Variants in ABCA1 observed in about 807,000 individuals in gnomAD.
ABCA1 encodes phospholipid-transporting ATPase ABCA1.
Under a neutral mutation model 262.5 loss-of-function variants are expected in ABCA1, and 133 were observed. The ratio of observed to expected loss-of-function variants is 0.51; its 90% CI spans 0.44 to 0.59. The LOEUF is 0.59. ABCA1 is among the 20% of genes least tolerant of loss of function. The probability of loss-of-function intolerance (pLI) is 0.00; values close to 1 mark genes in which losing one functional copy is unlikely to be tolerated. For missense variants in ABCA1, 2,452 were observed against 2,777.5 expected, an observed-to-expected ratio of 0.88 and a Z score of 2.63; for synonymous variants, 1,022 against 1,043.5, an observed-to-expected ratio of 0.98 and a Z score of 0.40.
chr9:104,795,101 C>T (rs1829784022), intron 39 of ABCA1, among the ~76,000 whole-genome samples: 2 of 152,180 alleles, frequency 1.3e-5, no homozygotes. Flanking sequence ...GAGGCATGGA[C>T]TAAGGACTCT....
intron 1 of ABCA1, among the ~76,000 whole-genome samples, chr9:104,915,467 T>C (rs927223175): frequency 6.6e-6 from 1 of 152,140 alleles, no homozygotes; most frequent in Non-Finnish European, 1.5e-5. Context: ...GGGAATAAGA[T>C]CACAAGTTTA....
rs1464569402 is a variant in ABCA1 at position 104,907,646 on chromosome 9, T to C, written c.-92-3875A>G. On this transcript the variant is annotated intron_variant, in intron 1 of 49. Transcript: ENST00000374736. ...GCTCTGTGTTCAGCAGCTTCTACCA[T>C]ATGCTTGAAAGTCACAAAGGACTGC... Among the ~76,000 whole-genome samples the C allele has an allele frequency of 4.6e-5, 7 of 152,228 alleles. No homozygotes were observed. In the East Asian group the frequency reaches 1.2e-3, roughly 25 times the overall value.
At chr9:104,837,712 A>C (rs1295699606) in intron 9 of ABCA1, 145 bp from the exon 10 acceptor site, 1 of 948,144 alleles carries the variant, frequency 1.1e-6, no homozygotes, top group Non-Finnish European at 1.6e-6. Context: ...TCTGAGCCTC[A>C]GTTGGCTCCT....
intron 5 of ABCA1, among the ~76,000 whole-genome samples, chr9:104,876,945 AGAT>A (rs1416343619): frequency 6.6e-6 from 1 of 152,246 alleles, no homozygotes; most frequent in East Asian, 1.9e-4. Context: ...TTTTAAAACA[AGAT>A]AGTATTTTTA....
intron 2 of ABCA1, chr9:104,889,434 C>G (rs1383930134): frequency 2.2e-6 from 2 of 914,924 alleles, no homozygotes; most frequent in South Asian, 5.0e-5. Flanking sequence ...CGTGCTTTAT[C>G]TGGTTCACTT....
chr9:104,821,348 T>C, intron 20 of ABCA1, 27 bp downstream of exon 20: 1 of 1,613,022 alleles, frequency 6.2e-7, no homozygotes, highest in Non-Finnish European at 8.5e-7. Context: ...AGAAAAGGCC[T>C]ATTCTTAACG....
intron 37 of ABCA1, among the ~76,000 whole-genome samples, 168 bp from the exon 38 acceptor site, chr9:104,796,592 T>C (rs1829916083): frequency 6.6e-6 from 1 of 152,220 alleles, no homozygotes; most frequent in Non-Finnish European, 1.5e-5. Context: ...ACAATACATT[T>C]TGACAAGCAT....
intron 5 of ABCA1, among the ~76,000 whole-genome samples, chr9:104,882,469 C>T (rs1214482948): frequency 6.6e-6 from 1 of 152,182 alleles, no homozygotes; most frequent in African/African-American, 2.4e-5. Context: ...ATGCCCACTC[C>T]CCAGATACCT....
chr9:104,817,226 C>T lies in ABCA1; in HGVS notation c.3535+106G>A. 3.7e-6 allele frequency: 6 copies of T among 1,601,392 alleles called. No individual in the cohort carries two copies. The South Asian group carries it at 6.7e-5, about 18-fold the overall frequency. ...ACCCAGCCCCAGCCCAGCAGCAAACCTTGAGTCAGCGCCACCAGCCTCTGC... is the reference window on the plus strand; with the variant it reads ...ACCCAGCCCCAGCCCAGCAGCAAACTTTGAGTCAGCGCCACCAGCCTCTGC... On this transcript the variant is annotated intron_variant, in intron 24 of 49. Coordinates refer to ENST00000374736, the MANE Select transcript of ABCA1 (RefSeq NM_005502.4). The surrounding 1 kb of genome is among the most constrained non-coding windows in gnomAD (Gnocchi z 4.7).
chr9:104,906,750 C>CAAAAAAA (rs35167860), intron 1 of ABCA1, among the ~76,000 whole-genome samples: 4 of 82,984 alleles, frequency 4.8e-5, no homozygotes, highest in Admixed American at 1.3e-4. Context: ...AAACCAAAAT[C>CAAAAAAA]AAAAAAAAAA....
chr9:104,909,654 A>ACACACACATACACG lies in ABCA1; in HGVS notation c.-92-5884_-92-5883insCGTGTATGTGTGTG, dbSNP rs770801372. Among the ~76,000 whole-genome samples the ACACACACATACACG allele has an allele frequency of 2.1e-3, 303 of 146,616 alleles. 3 individuals carry two copies. The highest frequency in any genetic ancestry group is 7.4e-3 in the African/African-American group (290 of 39,350). ...CACACACACACACACACACACACAC[A>ACACACACATACACG]TTCACAGGAAGCTGGCTGTGAAGGG... On this transcript the variant is annotated intron_variant, in intron 1 of 49. Transcript: ENST00000374736.
chr9:104,816,391 C>T lies in ABCA1; in HGVS notation c.3536-46G>A, dbSNP rs781693498. 2.4e-5 allele frequency: 38 copies of T among 1,591,194 alleles called. No individual in the cohort carries two copies. The Admixed American group carries it at 5.3e-4, about 22-fold the overall frequency. On this transcript the variant is annotated intron_variant, in intron 24 of 49. Coordinates refer to ENST00000374736, the MANE Select transcript of ABCA1 (RefSeq NM_005502.4). ...AGATGGCTCAATCAACTCAGAGGGG[C>T]TTCGGAGTGAGGGCTGGCCATCCCC...
intron 1 of ABCA1, among the ~76,000 whole-genome samples, chr9:104,917,919 T>C (rs2118520228): frequency 6.6e-6 from 1 of 152,330 alleles, no homozygotes; most frequent in South Asian, 2.1e-4. Flanking sequence ...TTTGTCTTCA[T>C]CCTAATTATT....
chr9:104,788,108 C>CTGTCCTACACA (rs1829086210), intron 45 of ABCA1, 54 bp from the exon 46 acceptor site: 7 of 1,546,266 alleles, frequency 4.5e-6, no homozygotes, highest in Non-Finnish European at 6.3e-6. Context: ...TTTTATCATG[C>CTGTCCTACACA]TGTCCTACAC....
chr9:104,860,115 C>G (rs1264686385), intron 6 of ABCA1, among the ~76,000 whole-genome samples: 2 of 151,724 alleles, frequency 1.3e-5, no homozygotes, highest in Non-Finnish European at 2.9e-5. Context: ...CATCTTCTGC[C>G]TCTGCCCAAT....
At chr9:104,838,123 C>T (rs35545100) in intron 9 of ABCA1, among the ~76,000 whole-genome samples, 26 of 150,766 alleles carry the variant, frequency 1.7e-4, no homozygotes, top group Non-Finnish European at 2.9e-5. Context: ...GTTGGGAGTT[C>T]GAGACCAGCC....
chr9:104,900,232 G>A (rs1840553095), intron 2 of ABCA1, among the ~76,000 whole-genome samples: 1 of 152,286 alleles, frequency 6.6e-6, no homozygotes, highest in African/African-American at 2.4e-5. Flanking sequence ...CAGGCTTTAT[G>A]TATGCTTTCT....
chr9:104,921,122 T>C (rs1418761352), intron 1 of ABCA1, among the ~76,000 whole-genome samples: 1 of 152,188 alleles, frequency 6.6e-6, no homozygotes, highest in Non-Finnish European at 1.5e-5. Flanking sequence ...CTCTCTAAGG[T>C]AGCTTCAAGG....
intron 4 of ABCA1, 114 bp from the exon 5 acceptor site, chr9:104,883,271 AGGCT>A: frequency 1.1e-6 from 1 of 904,926 alleles, no homozygotes; most frequent in Non-Finnish European, 1.8e-6. Context: ...GGTCCTCCAC[AGGCT>A]GGCCCTAACC....
Sources: gnomAD v4.1 joint callset for allele counts (sites outside exome capture counted in the v4.1 genomes callset) on GRCh38, gnomAD v4.1.1 for gene constraint, Gnocchi (gnomAD v3.1) non-coding constraint, MANE v1.5 for transcripts, NCBI Gene and HGNC (gene_info 2026-07-23, HGNC 2026-07-21) for gene names.